The following SLC12A7 variants were observed in gnomAD, a reference collection of about 807,000 sequenced individuals.
SLC12A7 encodes solute carrier family 12 member 7, also known as K-Cl cotransporter 4.
A neutral mutation model predicts 120.6 loss-of-function variants in SLC12A7; 100 were observed. The observed-to-expected ratio is 0.83, with a 90% CI of 0.71 to 0.98. The LOEUF (loss-of-function observed/expected upper bound fraction) is 0.98, where lower values mean the gene tolerates loss of function less well. SLC12A7 is among the 50% of genes least tolerant of loss of function. SLC12A7 has a pLI of 0.00. For synonymous variants in SLC12A7, 760 were observed against 678.0 expected, an observed-to-expected ratio of 1.12 and a Z score of -1.88; for missense variants, 1,373 against 1,548.1, an observed-to-expected ratio of 0.89 and a Z score of 1.90.
intron 1 of SLC12A7, among the ~76,000 whole-genome samples, chr5:1,100,690 G>A (rs538397917): frequency 2.0e-5 from 3 of 152,212 alleles, no homozygotes; most frequent in Non-Finnish European, 4.4e-5. Flanking sequence ...CTTCCTCCCC[G>A]AAACACTCAG....
chr5:1,054,037 G>A (rs753116891), intron 22 of SLC12A7, among the ~76,000 whole-genome samples: 39 of 152,322 alleles, frequency 2.6e-4, no homozygotes, highest in Admixed American at 5.2e-4. Flanking sequence ...CCCCCACACC[G>A]GCCTGTGCAG....
chr5:1,062,269 C>A (rs1199892300), intron 20 of SLC12A7, among the ~76,000 whole-genome samples: 1 of 152,218 alleles, frequency 6.6e-6, no homozygotes. Flanking sequence ...TTCTCCCAGG[C>A]AGCATTTTGT....
chr5:1,153,424 C>T, the SLC12A7 span, among the ~76,000 whole-genome samples: 2 of 152,258 alleles, frequency 1.3e-5, no homozygotes, highest in Non-Finnish European at 2.9e-5. Context: ...TGCCCCCACA[C>T]GCTTTCCTCA....
chr5:1,130,338 C>T, the SLC12A7 span, among the ~76,000 whole-genome samples: 1 of 152,164 alleles, frequency 6.6e-6, no homozygotes, highest in African/African-American at 2.4e-5. Flanking sequence ...CAACACCCAG[C>T]GAGGACAGGA....
chr5:1,147,029 G>A, the SLC12A7 span, among the ~76,000 whole-genome samples: 1 of 152,062 alleles, frequency 6.6e-6, no homozygotes. Flanking sequence ...TCTTTTCATC[G>A]ACAGGCTTAT....
chr5:1,113,076 C>T (rs1306562230), upstream of SLC12A7, among the ~76,000 whole-genome samples: 2 of 152,158 alleles, frequency 1.3e-5, no homozygotes, highest in Non-Finnish European at 2.9e-5. Flanking sequence ...GCACCTGGCA[C>T]ATTTCTCAAC....
At position 1,074,858 on chromosome 5, in the gene SLC12A7, G is replaced by C. The variant is rs915593457; in HGVS notation, c.1968-187C>G. The C allele has an allele frequency of 1.8e-5, 11 of 611,066 alleles. No individual in the cohort carries two copies. In the East Asian group the frequency reaches 2.2e-4, roughly 12 times the overall value. 37.9% of individuals were successfully genotyped at this position (611,066 alleles called of 1,614,324 possible). Reference sequence around the variant, plus strand: ...GGGAGCCCGTCCTAGGAGCCACCGGGTCAGAGGGTGCTGTGGCTGTGGAGG... The same window carrying C: ...GGGAGCCCGTCCTAGGAGCCACCGGCTCAGAGGGTGCTGTGGCTGTGGAGG... On this transcript the variant is annotated intron_variant, in intron 15 of 23. Coordinates refer to ENST00000264930, the MANE Select transcript of SLC12A7 (RefSeq NM_006598.3).
At chr5:1,078,094 C>T in intron 11 of SLC12A7, 87 bp from the exon 12 acceptor site, 1 of 1,438,520 alleles carries the variant, frequency 7.0e-7, no homozygotes, top group South Asian at 1.4e-5. Flanking sequence ...GAGCGAGGGG[C>T]CCAGTGCAGT....
At chr5:1,108,703 G>A (rs182406712) in intron 1 of SLC12A7, among the ~76,000 whole-genome samples, 19 of 152,356 alleles carry the variant, frequency 1.2e-4, no homozygotes, top group East Asian at 9.6e-4. Flanking sequence ...GGCGTGCACC[G>A]TCTCGCCATT....
intron 5 of SLC12A7, among the ~76,000 whole-genome samples, chr5:1,087,770 A>G (rs527335569): frequency 1.3e-5 from 2 of 152,258 alleles, no homozygotes; most frequent in African/African-American, 4.8e-5. Flanking sequence ...GTCTCCGTTC[A>G]CTAGTTATTT....
At chr5:1,082,757 G>C (rs982198324) in intron 8 of SLC12A7, among the ~76,000 whole-genome samples, 1 of 147,378 alleles carries the variant, frequency 6.8e-6, no homozygotes, top group Non-Finnish European at 1.5e-5. Context: ...GGAAAGTCCA[G>C]GCTTCCCGTC....
chr5:1,095,034 GGGGGCCGGTAGGAGGC>G (rs1189182771), intron 1 of SLC12A7, among the ~76,000 whole-genome samples: 16 of 148,414 alleles, frequency 1.1e-4, no homozygotes, highest in South Asian at 8.8e-4. Context: ...GTAGGAGGCG[GGGGGCCGGTAGGAGGC>G]GGGGCCGGTA....
the SLC12A7 span, among the ~76,000 whole-genome samples, chr5:1,141,343 G>C: frequency 6.6e-6 from 1 of 152,232 alleles, no homozygotes; most frequent in Non-Finnish European, 1.5e-5. Flanking sequence ...ACATTCTCAA[G>C]TGCTAGGCAG....
chr5:1,110,131 G>T lies in SLC12A7; in HGVS notation c.124+1737C>A, dbSNP rs148263738. Among the ~76,000 whole-genome samples, 14 of 152,376 alleles carry T rather than the reference G, an allele frequency of 9.2e-5. No individual in the cohort carries two copies. The East Asian group carries it at 2.3e-3, about 25-fold the overall frequency. On this transcript the variant is annotated intron_variant, in intron 1 of 23. Transcript: ENST00000264930. ...GATTCCGAAGGGCAGCTGCGTGCCC[G>T]TTACAGCCTGGCAGTGGCTGGGCAC...
At chr5:1,076,563 G>C (rs1269728374) in intron 13 of SLC12A7, 131 bp downstream of exon 13, 1 of 713,944 alleles carries the variant, frequency 1.4e-6, no homozygotes, top group Non-Finnish European at 2.3e-6. Context: ...CTCCCTTCCC[G>C]GCAGGATCCT....
Position 1,088,968 on chromosome 5 carries a change from C to A in SLC12A7, c.489+14G>T. 1 of 1,612,488 alleles carries A rather than the reference C, an allele frequency of 6.2e-7. No individual in the cohort carries two copies. The highest frequency in any genetic ancestry group is 8.5e-7 in the Non-Finnish European group (1 of 1,179,862). ...GCCCGAAGGCACAGCCACACCTGGC[C>A]GGGGGAGACTCACACATGTGCAGCA... is the stretch of plus-strand genomic sequence containing the variant. On this transcript the variant is annotated intron_variant, in intron 4 of 23. Coordinates refer to ENST00000264930, the MANE Select transcript of SLC12A7 (RefSeq NM_006598.3).
At chr5:1,141,736 CT>C in the SLC12A7 span, among the ~76,000 whole-genome samples, 84 of 152,270 alleles carry the variant, frequency 5.5e-4, no homozygotes, top group African/African-American at 1.9e-3. Flanking sequence ...CCGGTGGCTG[CT>C]GCATAGGACA....
At chr5:1,105,646 C>A (rs1742469126) in intron 1 of SLC12A7, among the ~76,000 whole-genome samples, 1 of 152,218 alleles carries the variant, frequency 6.6e-6, no homozygotes, top group Non-Finnish European at 1.5e-5. Flanking sequence ...CAGGCCTCTG[C>A]CCCCAAAAGG....
chr5:1,052,117 C>T lies in SLC12A7; in HGVS notation c.*243G>A, dbSNP rs1054870138. The T allele has an allele frequency of 2.6e-5, 15 of 568,372 alleles. No individual in the cohort carries two copies. Among genetic ancestry groups the T allele is most frequent in the Middle Eastern group, 4.3e-4 (1 of 2,330 alleles). The allele number at this position is 568,372 out of a possible 1,614,324, so 35.2% of individuals were successfully genotyped here. A position where few individuals can be genotyped will look rare whatever the true frequency, so the allele number is the denominator to read the frequency against. On this transcript the variant is annotated 3_prime_UTR_variant, in exon 24 of 24. Transcript: ENST00000264930. ...CACGTCCAGGTCACTCCGGTAGCAG[C>T]GTCTGCCCTCAGATGCAAGGAAATC...
Sources: allele counts gnomAD v4.1 joint callset (sites outside exome capture counted in the v4.1 genomes callset), GRCh38; gene constraint gnomAD v4.1.1; transcripts MANE v1.5; gene names NCBI Gene and HGNC (gene_info 2026-07-23, HGNC 2026-07-21).